Variants in GRIK1 observed in about 807,000 individuals in gnomAD.
The protein encoded by GRIK1 is glutamate receptor ionotropic, kainate 1.
Under a neutral mutation model 105.7 loss-of-function variants are expected in GRIK1, and 69 were observed. That is an observed-to-expected ratio of 0.65 (90% CI 0.54 to 0.80). GRIK1 has a LOEUF of 0.80. Among genes scored for constraint, GRIK1 ranks in the 30% least tolerant of loss-of-function variants. The pLI is 0.00. For synonymous variants in GRIK1, 438 were observed against 431.3 expected, an observed-to-expected ratio of 1.02 and a Z score of -0.19; for missense variants, 1,109 against 1,167.3, an observed-to-expected ratio of 0.95 and a Z score of 0.73.
At chr21:29,731,910 T>C (rs555449852) in intron 1 of GRIK1, among the ~76,000 whole-genome samples, 52 of 152,332 alleles carry the variant, frequency 3.4e-4, no homozygotes, top group Non-Finnish European at 5.7e-4. Flanking sequence ...TGATGTTTGT[T>C]CTTCCTTCAA....
At chr21:29,575,427 C>G (rs1342965049) in intron 14 of GRIK1, among the ~76,000 whole-genome samples, 2 of 151,862 alleles carry the variant, frequency 1.3e-5, no homozygotes, top group African/African-American at 2.4e-5. Context: ...CAAAATGCAA[C>G]TTATACCTCC....
chr21:29,900,768 C>T (rs1241011318), intron 1 of GRIK1, among the ~76,000 whole-genome samples: 4 of 152,270 alleles, frequency 2.6e-5, no homozygotes, highest in African/African-American at 9.6e-5. Flanking sequence ...GACTTGAACT[C>T]AGCTCTGGAC....
chr21:29,844,665 C>T (rs563493279), intron 1 of GRIK1, among the ~76,000 whole-genome samples: 32 of 152,334 alleles, frequency 2.1e-4, no homozygotes, highest in Admixed American at 8.5e-4. Flanking sequence ...GGACTCCTCA[C>T]TCCGTAAAAC....
At chr21:29,868,744 T>C (rs556550726) in intron 1 of GRIK1, among the ~76,000 whole-genome samples, 47 of 152,268 alleles carry the variant, frequency 3.1e-4, no homozygotes, top group African/African-American at 1.1e-3. Context: ...TATTCACCTG[T>C]AATGCATTGC....
At chr21:29,820,367 C>A (rs2067268741) in intron 1 of GRIK1, among the ~76,000 whole-genome samples, 1 of 152,054 alleles carries the variant, frequency 6.6e-6, no homozygotes, top group African/African-American at 2.4e-5. Context: ...CTTGACCTAT[C>A]AGCAGCATTT....
At chr21:29,561,589 G>T (rs750584708) in intron 15 of GRIK1, 35 bp downstream of exon 15, 2 of 1,363,340 alleles carry the variant, frequency 1.5e-6, no homozygotes, top group Admixed American at 1.7e-5. Context: ...CTGACATTCT[G>T]TATCTCAGTC....
At chr21:29,938,996 G>T (rs2071872973) in intron 1 of GRIK1, among the ~76,000 whole-genome samples, 1 of 152,096 alleles carries the variant, frequency 6.6e-6, no homozygotes, top group African/African-American at 2.4e-5. Flanking sequence ...CCGGGACTGC[G>T]GATCTGGACT....
chr21:29,927,480 T>C (rs2071411784), intron 1 of GRIK1, among the ~76,000 whole-genome samples: 1 of 150,248 alleles, frequency 6.7e-6, no homozygotes, highest in Non-Finnish European at 1.5e-5. Context: ...TGCTTAATAA[T>C]ATGTATATGC....
At chr21:29,753,045 G>A (rs1330109881) in intron 1 of GRIK1, among the ~76,000 whole-genome samples, 2 of 152,214 alleles carry the variant, frequency 1.3e-5, no homozygotes, top group African/African-American at 4.8e-5. Flanking sequence ...CTTGTCAGAT[G>A]ATATCATGCC....
intron 1 of GRIK1, among the ~76,000 whole-genome samples, chr21:29,717,924 C>G (rs1015334754): frequency 6.6e-6 from 1 of 152,050 alleles, no homozygotes; most frequent in Non-Finnish European, 1.5e-5. Context: ...TGGGAGGGGC[C>G]CAGTGGGAGA....
chr21:29,604,329 A>G (rs2061573036), intron 7 of GRIK1, among the ~76,000 whole-genome samples: 1 of 152,204 alleles, frequency 6.6e-6, no homozygotes, highest in South Asian at 2.1e-4. Context: ...GAAAGGAAAT[A>G]TCTTTGACCT....
chr21:29,688,212 T>A (rs1159004586), intron 3 of GRIK1, among the ~76,000 whole-genome samples: 2 of 152,196 alleles, frequency 1.3e-5, no homozygotes, highest in African/African-American at 4.8e-5. Context: ...ATATACCCAC[T>A]CACTTAGAAT....
intron 7 of GRIK1, among the ~76,000 whole-genome samples, chr21:29,626,614 A>G (rs997459571): frequency 1.3e-5 from 2 of 152,104 alleles, no homozygotes; most frequent in East Asian, 3.8e-4. Context: ...TTCAAATAGA[A>G]CTTGTATTAA....
At chr21:29,936,588 G>T (rs1444233881) in intron 1 of GRIK1, among the ~76,000 whole-genome samples, 1 of 152,162 alleles carries the variant, frequency 6.6e-6, no homozygotes, top group African/African-American at 2.4e-5. Flanking sequence ...AAGCTGCTGG[G>T]AAACTTCTTG....
intron 1 of GRIK1, among the ~76,000 whole-genome samples, chr21:29,788,633 T>C (rs576014675): frequency 6.6e-6 from 1 of 152,346 alleles, no homozygotes; most frequent in South Asian, 2.1e-4. Flanking sequence ...TTTATTTCTA[T>C]TATTATTACG....
At chr21:29,842,488 CT>C (rs2068009453) in intron 1 of GRIK1, among the ~76,000 whole-genome samples, 1 of 152,056 alleles carries the variant, frequency 6.6e-6, no homozygotes, top group Non-Finnish European at 1.5e-5. Context: ...AGTTTTTGTC[CT>C]CATATTTTGG....
intron 10 of GRIK1, among the ~76,000 whole-genome samples, chr21:29,590,847 G>A (rs937718319): frequency 1.3e-5 from 2 of 152,196 alleles, no homozygotes; most frequent in Non-Finnish European, 2.9e-5. Flanking sequence ...CAGCCAGAGA[G>A]CAAGGGAGAC....
At chr21:29,731,206 G>A (rs962473599) in intron 1 of GRIK1, among the ~76,000 whole-genome samples, 2 of 152,204 alleles carry the variant, frequency 1.3e-5, no homozygotes, top group African/African-American at 4.8e-5. Flanking sequence ...CTCTGGTGAT[G>A]TTTTCCCAGG....
At chr21:29,831,874 A>G (rs1353353630) in intron 1 of GRIK1, among the ~76,000 whole-genome samples, 2 of 152,080 alleles carry the variant, frequency 1.3e-5, no homozygotes, top group African/African-American at 4.8e-5. Context: ...TTTCAACATT[A>G]CCTCAAAAAT....
Sources: gnomAD v4.1 joint callset for allele counts (sites outside exome capture counted in the v4.1 genomes callset) on GRCh38, gnomAD v4.1.1 for gene constraint, MANE v1.5 for transcripts, NCBI Gene and HGNC (gene_info 2026-07-23, HGNC 2026-07-21) for gene names.